Variants in CEP43 observed in about 807,000 individuals in gnomAD.
CEP43 encodes the protein centrosomal protein 43.
In CEP43, 36 loss-of-function variants were observed where a neutral mutation model predicts 52.6. The ratio of observed to expected loss-of-function variants is 0.68; its 90% CI spans 0.52 to 0.90. The LOEUF (loss-of-function observed/expected upper bound fraction) is 0.90. CEP43 is among the 40% of genes least tolerant of loss of function. The pLI, the probability that CEP43 is intolerant of heterozygous loss-of-function variation, is 0.00. For synonymous variants in CEP43, 192 were observed against 172.4 expected, an observed-to-expected ratio of 1.11 and a Z score of -0.89; for missense variants, 506 against 472.8, an observed-to-expected ratio of 1.07 and a Z score of -0.65.
rs1444529114 is a variant in CEP43, at chr6:167,042,419, T to C, written c.*2441T>C. 3 of 951,558 alleles carry C rather than the reference T, an allele frequency of 3.2e-6. No individual in the cohort carries two copies. In the African/African-American group the frequency reaches 5.3e-5, roughly 17 times the overall value. The allele number at this position is 951,558 out of a possible 1,614,324, so 58.9% of individuals were successfully genotyped here. A position where few individuals can be genotyped will look rare whatever the true frequency, so the allele number is the denominator to read the frequency against. ...AAAGCATTTATTCTCTTTGTTGATA[T>C]TCGGTTGTGCTTTTATACTTTATGT... On this transcript the variant is annotated 3_prime_UTR_variant, in exon 13 of 13. Transcript: ENST00000366847.
In CEP43 at chr6:167,019,243, CCTG is replaced by C. The variant is rs1440634015; in HGVS notation, c.580-3162_580-3160del. ...TTGAGCATCTGTGCACATGCATACA[CCTG>C]CTGTGCACACGCATACACCTGCTGT... On this transcript the variant is annotated intron_variant, in intron 7 of 12. Transcript: ENST00000366847. Among the ~76,000 whole-genome samples the C allele has an allele frequency of 4.6e-5, 7 of 151,330 alleles. No homozygotes were observed. In the East Asian group the frequency reaches 5.9e-4, roughly 13 times the overall value.
At chr6:167,022,270 A>G in intron 7 of CEP43, 139 bp from the exon 8 acceptor site, 1 of 613,674 alleles carries the variant, frequency 1.6e-6, no homozygotes, top group Non-Finnish European at 2.8e-6. Flanking sequence ...ACACACACAC[A>G]CACACACACA....
intron 12 of CEP43, chr6:167,036,044 G>GC: frequency 5.1e-6 from 5 of 983,744 alleles, no homozygotes; most frequent in Non-Finnish European, 4.8e-6. Flanking sequence ...TCTGTCGTAG[G>GC]CACAGATATA....
At position 167,043,294 on chromosome 6, in the gene CEP43, TC is replaced by T. The variant is rs1780738482; in HGVS notation, c.*3319del. 1 of 151,746 alleles carries T rather than the reference TC, an allele frequency of 6.6e-6. No homozygotes were observed. Among genetic ancestry groups the T allele is most frequent in the Admixed American group, 6.6e-5 (1 of 15,232 alleles). The allele number at this position is 151,746 out of a possible 1,614,324, so 9.4% of individuals were successfully genotyped here. On this transcript the variant is annotated 3_prime_UTR_variant, in exon 13 of 13. Transcript: ENST00000366847. The stretch of plus-strand genomic sequence containing the variant: ...TCCTGTGGCATTGGGTGGGGAGGAT[TC>T]CCGCCATCAGTTCTCTGTCCATGGG...
chr6:167,007,441 G>A (rs1779880372), intron 5 of CEP43, among the ~76,000 whole-genome samples: 1 of 152,068 alleles, frequency 6.6e-6, no homozygotes, highest in Non-Finnish European at 1.5e-5. Flanking sequence ...CCAGTAAGTT[G>A]GGCATCTCAT....
rs1395883345 is a variant in CEP43 at position 167,051,591 on chromosome 6, G to C, written c.*11613G>C. 1.3e-5 allele frequency: 2 copies of C among 152,052 alleles called. No homozygotes were observed. Among genetic ancestry groups the C allele is most frequent in the African/African-American group, 4.8e-5 (2 of 41,396 alleles). 9.4% of individuals were successfully genotyped at this position (152,052 alleles called of 1,614,324 possible). On this transcript the variant is annotated 3_prime_UTR_variant, in exon 13 of 13. Coordinates refer to ENST00000366847, the MANE Select transcript of CEP43 (RefSeq NM_007045.4). ...TATTCCTTTAGTTCTGTCATGTTCT[G>C]CTTCTTATATTTTGGAACTCTGTTG... is the stretch of plus-strand genomic sequence containing the variant.
At chr6:167,002,228 T>C (rs377642907) in intron 2 of CEP43, among the ~76,000 whole-genome samples, 4 of 152,164 alleles carry the variant, frequency 2.6e-5, no homozygotes, top group African/African-American at 7.2e-5. Flanking sequence ...TTTTAAGAAT[T>C]ATATAAATGG....
Position 167,026,520 on chromosome 6 carries a change from A to G in CEP43, c.920-27A>G, listed in dbSNP as rs368498505. 1.0e-4 allele frequency: 139 copies of G among 1,395,522 alleles called. No individual in the cohort carries two copies. The African/African-American group carries it at 1.7e-3, about 17-fold the overall frequency. 86.4% of individuals were successfully genotyped at this position (1,395,522 alleles called of 1,614,324 possible). A position where few individuals can be genotyped will look rare whatever the true frequency, so the allele number is the denominator to read the frequency against. ...AGACTGTTATATTCTAAGTCACTCTAATGTTAATATTTTCTCCTGTTCACA... is the reference window on the plus strand; with the variant it reads ...AGACTGTTATATTCTAAGTCACTCTGATGTTAATATTTTCTCCTGTTCACA... On this transcript the variant is annotated intron_variant, in intron 9 of 12. Coordinates refer to ENST00000366847, the MANE Select transcript of CEP43 (RefSeq NM_007045.4).
intron 8 of CEP43, 146 bp downstream of exon 8, chr6:167,022,781 G>A (rs1583283016): frequency 1.6e-6 from 1 of 639,438 alleles, no homozygotes; most frequent in Non-Finnish European, 2.7e-6. Flanking sequence ...TGCCTTTCAT[G>A]TTGTAAAACA....
At chr6:167,005,431 A>G (rs1167844742) in intron 5 of CEP43, among the ~76,000 whole-genome samples, 1 of 152,220 alleles carries the variant, frequency 6.6e-6, no homozygotes, top group Non-Finnish European at 1.5e-5. Flanking sequence ...AATAGTTTAG[A>G]GGAGGAAGCG....
At position 167,042,240 on chromosome 6, in the gene CEP43, G is replaced by A. The variant is rs1780715786; in HGVS notation, c.*2262G>A. ...CTTATGAAACTTGAAGATGTGAAGT[G>A]ACAGGTTTTGCATGTGATGAGTGTT... On this transcript the variant is annotated 3_prime_UTR_variant, in exon 13 of 13. Coordinates refer to ENST00000366847, the MANE Select transcript of CEP43 (RefSeq NM_007045.4). 1 of 1,006,612 alleles carries A rather than the reference G, an allele frequency of 9.9e-7. No individual in the cohort carries two copies. The highest frequency in any genetic ancestry group is 6.0e-5 in the Admixed American group (1 of 16,732). The allele number at this position is 1,006,612 out of a possible 1,614,324, so 62.4% of individuals were successfully genotyped here.
chr6:167,019,858 T>C (rs1156930816), intron 7 of CEP43, among the ~76,000 whole-genome samples: 1 of 152,200 alleles, frequency 6.6e-6, no homozygotes, highest in African/African-American at 2.4e-5. Context: ...CTTGGGGAAA[T>C]CAGAATAATT....
rs1780873322 is a variant in CEP43 at position 167,051,768 on chromosome 6, C to T, written c.*11790C>T. ...TAAAGTCTATTTTGTTTGATATTAG[C>T]ATAGCTATTCTTGCTCTTACTGTGG... On this transcript the variant is annotated 3_prime_UTR_variant, in exon 13 of 13. Coordinates refer to ENST00000366847, the MANE Select transcript of CEP43 (RefSeq NM_007045.4). 1 of 152,144 alleles carries T rather than the reference C, an allele frequency of 6.6e-6. No homozygotes were observed. The highest frequency in any genetic ancestry group is 6.6e-5 in the Admixed American group (1 of 15,262). 9.4% of individuals were successfully genotyped at this position (152,144 alleles called of 1,614,324 possible).
At position 167,042,326 on chromosome 6, in the gene CEP43, T is replaced by C. The variant is rs150660555; in HGVS notation, c.*2348T>C. On this transcript the variant is annotated 3_prime_UTR_variant, in exon 13 of 13. Transcript: ENST00000366847. ...TTAAATACATTTTTATGGTAACCTA[T>C]GTTTTACAGTGGAGTTTTAAAAATG... 1 of 983,842 alleles carries C rather than the reference T, an allele frequency of 1.0e-6. No individual in the cohort carries two copies. The highest frequency in any genetic ancestry group is 7.5e-5 in the East Asian group (1 of 13,256). 60.9% of individuals were successfully genotyped at this position (983,842 alleles called of 1,614,324 possible).
intron 11 of CEP43, 33 bp downstream of exon 11, chr6:167,032,675 T>C (rs1325484653): frequency 1.3e-6 from 2 of 1,509,200 alleles, no homozygotes; most frequent in African/African-American, 1.4e-5. Flanking sequence ...TATATAAATA[T>C]ATACGTTATT....
chr6:167,032,491 G>C (rs1780489785), intron 10 of CEP43, 112 bp from the exon 11 acceptor site: 1 of 910,886 alleles, frequency 1.1e-6, no homozygotes, highest in Non-Finnish European at 1.6e-6. Flanking sequence ...TTCTAGTCTG[G>C]GACTTTTTAA....
Position 167,003,747 on chromosome 6 carries a change from C to A in CEP43, c.236C>A (p.Ala79Glu), listed in dbSNP as rs776929086. ...GGTCGTTTAGTGGCTAGTCTTGTTG[C>A]AGAATTTCTTCAGTTTTTTAACCTT... ...KDGRLVASLV[A>E]EFLQFFNLDF... The change falls in exon 4 of 13, where the codon GCA becomes GAA. Residue 79 changes from alanine (A) to glutamate (E), a missense_variant. Coordinates refer to ENST00000366847, the MANE Select transcript of CEP43 (RefSeq NM_007045.4). The A allele has an allele frequency of 7.4e-6, 12 of 1,611,238 alleles. No individual in the cohort carries two copies. In the African/African-American group the frequency reaches 1.6e-4, roughly 22 times the overall value.
At chr6:167,017,172 T>C (rs190216926) in intron 7 of CEP43, among the ~76,000 whole-genome samples, 1 of 151,874 alleles carries the variant, frequency 6.6e-6, no homozygotes, top group Non-Finnish European at 1.5e-5. Context: ...ATTTTTTGTA[T>C]TTTTAGTAGA....
At chr6:167,009,326 A>G (rs1168217422) in intron 5 of CEP43, among the ~76,000 whole-genome samples, 2 of 151,688 alleles carry the variant, frequency 1.3e-5, no homozygotes, top group Admixed American at 6.6e-5. Flanking sequence ...CCTGGCCAAC[A>G]TAGTGAAACC....
Sources: allele counts gnomAD v4.1 joint callset (sites outside exome capture counted in the v4.1 genomes callset), GRCh38; gene constraint gnomAD v4.1.1; transcripts MANE v1.5; gene names NCBI Gene and HGNC (gene_info 2026-07-23, HGNC 2026-07-21).